Variants in TLR8 observed in about 807,000 individuals in gnomAD.
TLR8 encodes the protein toll-like receptor 8.
A neutral mutation model predicts 18.5 loss-of-function variants in TLR8; 5 were observed. The ratio of observed to expected loss-of-function variants is 0.27; its 90% CI spans 0.14 to 0.57. The LOEUF (loss-of-function observed/expected upper bound fraction) is 0.57. Ranked by LOEUF, TLR8 falls within the 20% of genes least tolerant of loss-of-function variation. The pLI is 0.92. For synonymous variants in TLR8, 299 were observed against 300.1 expected, an observed-to-expected ratio of 1.00 and a Z score of 0.04; for missense variants, 543 against 769.8, an observed-to-expected ratio of 0.71 and a Z score of 3.49.
chrX:12,908,478 G>A (rs895299887), intron 1 of TLR8: 1 of 113,062 alleles, frequency 8.8e-6, no homozygotes, highest in Non-Finnish European at 1.9e-5. Flanking sequence ...CCTGCCTAAA[G>A]GCAGAGGTTG....
chrX:12,908,588 G>A (rs1009083046), intron 1 of TLR8, among the ~76,000 whole-genome samples: 1 of 112,136 alleles, frequency 8.9e-6, no homozygotes, highest in African/African-American at 3.2e-5. Context: ...CTGGATACAG[G>A]GCTTGGCATT....
intron 1 of TLR8, among the ~76,000 whole-genome samples, chrX:12,914,842 T>C (rs1389226221): frequency 2.7e-5 from 3 of 111,507 alleles, no homozygotes; most frequent in Non-Finnish European, 5.7e-5. Context: ...ACATCACTTC[T>C]CAGATGAAGA....
At chrX:12,915,324 C>T (rs5744059) in intron 1 of TLR8, among the ~76,000 whole-genome samples, 11 of 111,072 alleles carry the variant, frequency 9.9e-5, no homozygotes, top group African/African-American at 1.6e-4. Flanking sequence ...CACCATGCCC[C>T]GCTATTTGTT....
At position 12,922,400 on chromosome X, in the gene TLR8, T is replaced by C. The variant is rs1255798803; in HGVS notation, c.*234T>C. 9 of 383,875 alleles carry C rather than the reference T, an allele frequency of 2.3e-5. No homozygotes were observed. Among genetic ancestry groups the C allele is most frequent in the African/African-American group, 5.2e-5 (2 of 38,663 alleles). The allele number at this position is 383,875 out of a possible 1,213,427, so 31.6% of individuals were successfully genotyped here. On this transcript the variant is annotated 3_prime_UTR_variant, in exon 2 of 2. Coordinates refer to ENST00000218032, the MANE Select transcript of TLR8 (RefSeq NM_138636.5). ...TGTTCACCAGAGACATAGGCATCAC[T>C]GGGGTCACACTCATGTGGTTGTTTT...
chrX:12,920,984 T>C lies in TLR8; in HGVS notation c.1944T>C (p.Leu648=). The C allele has an allele frequency of 8.3e-7, 1 of 1,211,303 alleles. No individual in the cohort carries two copies. The change falls in exon 2 of 2, where the codon CTT becomes CTC. Residue 648 remains leucine, a synonymous_variant. Coordinates refer to ENST00000218032, the MANE Select transcript of TLR8 (RefSeq NM_138636.5). ...LKNLTRLDLS[L]NRLKHIPNEA... Reference sequence around the variant, plus strand: ...ATCTGACACGTCTGGATTTATCCCTTAATAGGCTGAAGCACATCCCAAATG... The same window carrying C: ...ATCTGACACGTCTGGATTTATCCCTCAATAGGCTGAAGCACATCCCAAATG...
chrX:12,909,990 C>G (rs2147253650), intron 1 of TLR8, among the ~76,000 whole-genome samples: 1 of 112,152 alleles, frequency 8.9e-6, no homozygotes, highest in African/African-American at 3.2e-5. Context: ...GATAAGTGCA[C>G]TTAATGTGGT....
Position 12,920,382 on chromosome X carries a change from C to A in TLR8, c.1342C>A (p.Gln448Lys). ...GAGTTATGCAAATAGTTCCTCTTTT[C>A]AACGTCATATCCGGAAACGACGCTC... The part of the protein sequence containing the change: ...RQSYANSSSF[Q>K]RHIRKRRSTD... Residue 448 changes from glutamine to lysine, a missense_variant, in exon 2 of 2, where the codon CAA (glutamine) becomes AAA (lysine). Gln to Lys is a moderately conservative substitution (Grantham distance 53). Around this residue, in one of 4 missense-constraint regions of TLR8, gnomAD observed 185 missense variants for 298.9 expected, o/e 0.62. Transcript: ENST00000218032. 8.3e-7 allele frequency: 1 copy of A among 1,210,031 alleles called. No individual in the cohort carries two copies. Among genetic ancestry groups the A allele is most frequent in the Non-Finnish European group, 1.1e-6 (1 of 894,653 alleles).
Position 12,920,153 on chromosome X carries a change from A to G in TLR8, c.1113A>G (p.Ala371=), listed in dbSNP as rs968501548. The G allele has an allele frequency of 1.7e-6, 2 of 1,209,648 alleles. No individual in the cohort carries two copies. Among genetic ancestry groups the G allele is most frequent in the African/African-American group, 3.5e-5 (2 of 57,168 alleles). Residue 371 remains alanine (A), a synonymous_variant, in exon 2 of 2, where the codon GCA becomes GCG. Coordinates refer to ENST00000218032, the MANE Select transcript of TLR8 (RefSeq NM_138636.5). The stretch of plus-strand genomic sequence containing the variant: ...TCTCTAAACTTTTGTCTCTACGGGC[A>G]TTGCATTTAAGAGGTTATGTGTTCC... ...RNFSKLLSLR[A]LHLRGYVFQE...
chrX:12,907,016 T>C (rs2042989384), intron 1 of TLR8, among the ~76,000 whole-genome samples: 1 of 112,252 alleles, frequency 8.9e-6, no homozygotes, highest in Non-Finnish European at 1.9e-5. Context: ...AAATATTACT[T>C]ACTGGCCCTA....
chrX:12,921,045 C>G lies in TLR8; in HGVS notation c.2005C>G (p.Leu669Val). ...FLNLPASLTE[L>V]HINDNMLKFF... ...TAATTTGCCAGCGAGTCTCACTGAA[C>G]TACATATAAATGATAATATGTTAAA... Residue 669 changes from leucine to valine, a missense_variant, in exon 2 of 2, where the codon CTA becomes GTA. Leu to Val is a conservative substitution (Grantham distance 32, BLOSUM62 1). This residue lies in a region of TLR8 where 227 missense variants were observed against 312.9 expected (regional missense o/e 0.73). Coordinates refer to ENST00000218032, the MANE Select transcript of TLR8 (RefSeq NM_138636.5). The G allele has an allele frequency of 8.3e-7, 1 of 1,210,413 alleles. No homozygotes were observed. Among genetic ancestry groups the G allele is most frequent in the Non-Finnish European group, 1.1e-6 (1 of 894,176 alleles).
chrX:12,920,559 A>G lies in TLR8; in HGVS notation c.1519A>G (p.Ile507Val), dbSNP rs771444889. Residue 507 changes from isoleucine to valine, a missense_variant, in exon 2 of 2, where the codon ATT becomes GTT. Around this residue, in one of 4 missense-constraint regions of TLR8, gnomAD observed 185 missense variants for 298.9 expected, o/e 0.62. Transcript: ENST00000218032. ...AAACCAATTTGAAAATCTTCCTGAC[A>G]TTGCCTGTTTAAATCTGTCTGCAAA... Reference protein sequence around the residue: ...GPNQFENLPDIACLNLSANSN... With the variant: ...GPNQFENLPDVACLNLSANSN... 22 of 1,210,093 alleles carry G rather than the reference A, an allele frequency of 1.8e-5. No individual in the cohort carries two copies. The Admixed American group carries it at 4.4e-4, about 24-fold the overall frequency.
Position 12,919,865 on chromosome X carries a change from A to C in TLR8, c.825A>C (p.Ser275=). The part of the protein sequence containing the change: ...FPCVPCDGGA[S]INIDRFAFQN... ...GCGTGCCTTGTGATGGTGGTGCTTC[A>C]ATTAATATAGATCGTTTTGCTTTTC... Residue 275 remains serine (S), a synonymous_variant, in exon 2 of 2, where the codon TCA becomes TCC. Transcript: ENST00000218032. The C allele has an allele frequency of 8.3e-7, 1 of 1,211,620 alleles. No individual in the cohort carries two copies. The highest frequency in any genetic ancestry group is 1.1e-6 in the Non-Finnish European group (1 of 895,449).
intron 1 of TLR8, among the ~76,000 whole-genome samples, chrX:12,917,842 C>A (rs1020898590): frequency 1.8e-5 from 2 of 112,151 alleles, no homozygotes; most frequent in Non-Finnish European, 3.8e-5. Flanking sequence ...AATTATTCCA[C>A]AAACAATTTT....
chrX:12,915,249 A>C (rs1351292145), intron 1 of TLR8, among the ~76,000 whole-genome samples: 1 of 110,841 alleles, frequency 9.0e-6, no homozygotes, highest in Non-Finnish European at 1.9e-5. Context: ...TGCAGCCTCC[A>C]CCTCCCAGTC....
At chrX:12,912,094 A>G (rs1324577704) in intron 1 of TLR8, among the ~76,000 whole-genome samples, 2 of 65,965 alleles carry the variant, frequency 3.0e-5, no homozygotes, top group Non-Finnish European at 5.5e-5. Context: ...CTTTCTCTCT[A>G]TTTGCATAGT....
chrX:12,917,753 T>C (rs958529193), intron 1 of TLR8, among the ~76,000 whole-genome samples: 1 of 112,589 alleles, frequency 8.9e-6, no homozygotes, highest in African/African-American at 3.2e-5. Flanking sequence ...ACCATGTGTC[T>C]TCCCTAGAGA....
At chrX:12,916,389 A>G (rs2043055720) in intron 1 of TLR8, among the ~76,000 whole-genome samples, 1 of 112,103 alleles carries the variant, frequency 8.9e-6, no homozygotes, top group South Asian at 3.7e-4. Flanking sequence ...TGACTTTGAA[A>G]TCTAGCAATG....
chrX:12,910,487 A>G (rs1424606421), intron 1 of TLR8: 5 of 1,140,146 alleles, frequency 4.4e-6, no homozygotes, highest in Admixed American at 2.6e-5. Flanking sequence ...CGCCCCTCCC[A>G]GACCACCTGC....
chrX:12,916,432 G>A (rs1050444272), intron 1 of TLR8, among the ~76,000 whole-genome samples: 1 of 111,601 alleles, frequency 9.0e-6, no homozygotes, highest in African/African-American at 3.3e-5. Flanking sequence ...GCTGAGATCT[G>A]CTCAGGTGCC....
Sources: allele counts gnomAD v4.1 joint callset (sites outside exome capture counted in the v4.1 genomes callset), GRCh38; gene constraint gnomAD v4.1.1; regional missense constraint gnomAD v4.1.1; transcripts MANE v1.5; gene names NCBI Gene and HGNC (gene_info 2026-07-23, HGNC 2026-07-21).